ELMOD1: variants seen among roughly 807,000 people sequenced by gnomAD.
ELMOD1 encodes the protein ELMO domain-containing protein 1.
Under a neutral mutation model 46.7 loss-of-function variants are expected in ELMOD1, and 21 were observed. The observed-to-expected ratio is 0.45, with a 90% CI of 0.32 to 0.65. The LOEUF is 0.65. ELMOD1 is among the 30% of genes least tolerant of loss of function. ELMOD1 has a pLI of 0.04. For synonymous variants in ELMOD1, 122 were observed against 138.2 expected (o/e 0.88, Z 0.82); for missense variants, 348 against 407.8 (o/e 0.85, Z 1.26).
intron 2 of ELMOD1, among the ~76,000 whole-genome samples, chr11:107,622,178 CA>C (rs1440511950): frequency 5.3e-5 from 8 of 152,222 alleles, no homozygotes; most frequent in Non-Finnish European, 8.8e-5. Flanking sequence ...GGAAACGCTT[CA>C]TTGAGACAAT....
chr11:107,647,460 TC>T lies in ELMOD1; in HGVS notation c.421-6del. ...TCAACAGAGTAATCCTTTTTTTTTT[TC>T]CTACAGTTATGGAAATTCTTGAAGC... On this transcript the variant is annotated splice_polypyrimidine_tract_variant and splice_region_variant and intron_variant, in intron 6 of 11. Transcript: ENST00000265840. 3.1e-6 allele frequency: 5 copies of T among 1,604,616 alleles called. No homozygotes were observed. The South Asian group carries it at 5.6e-5, about 18-fold the overall frequency.
Position 107,666,280 on chromosome 11 carries a change from G to A in ELMOD1, c.*1083G>A, listed in dbSNP as rs1412473794. The A allele has an allele frequency of 6.6e-6, 1 of 152,186 alleles. No homozygotes were observed. The highest frequency in any genetic ancestry group is 2.4e-5 in the African/African-American group (1 of 41,440). 9.4% of individuals were successfully genotyped at this position (152,186 alleles called of 1,614,324 possible). On this transcript the variant is annotated 3_prime_UTR_variant, in exon 12 of 12. Transcript: ENST00000265840. ...GAAAAGAAATAAGCATATTTCAAAA[G>A]CTGCAAAAGGTTTTTCACTGCCTGC... is the stretch of plus-strand genomic sequence containing the variant.
Position 107,618,496 on chromosome 11 carries a change from C to T in ELMOD1, c.17+290C>T, listed in dbSNP as rs117419731. On this transcript the variant is annotated intron_variant, in intron 2 of 11. Transcript: ENST00000265840. ...CATGTGTCTCTGCACAGTGGTACAC[C>T]GCTGGCCTGAAAGGTTTAAGGAAAT... Among the ~76,000 whole-genome samples, 31 of 152,280 alleles carry T rather than the reference C, an allele frequency of 2.0e-4. No individual in the cohort carries two copies. In the East Asian group the frequency reaches 4.4e-3, roughly 22 times the overall value.
intron 2 of ELMOD1, among the ~76,000 whole-genome samples, chr11:107,629,488 A>C (rs1866100204): frequency 6.6e-6 from 1 of 152,184 alleles, no homozygotes. Context: ...TTTACCACTA[A>C]AGCTTAAGTC....
chr11:107,642,150 G>C (rs1304344967), intron 6 of ELMOD1, among the ~76,000 whole-genome samples: 1 of 151,580 alleles, frequency 6.6e-6, no homozygotes, highest in Non-Finnish European at 1.5e-5. Flanking sequence ...CACCATCTTA[G>C]CCAGGCTGAT....
intron 4 of ELMOD1, 139 bp downstream of exon 4, chr11:107,630,867 C>T: frequency 1.2e-6 from 1 of 840,130 alleles, no homozygotes; most frequent in Non-Finnish European, 1.8e-6. Flanking sequence ...ATCATTTGCC[C>T]ATTACAAACC....
At chr11:107,628,253 G>T (rs542665879) in intron 2 of ELMOD1, among the ~76,000 whole-genome samples, 1 of 151,924 alleles carries the variant, frequency 6.6e-6, no homozygotes, top group East Asian at 1.9e-4. Context: ...TGCAACCTCC[G>T]CCTCCTGGGT....
rs560929170 is a variant in ELMOD1, at chr11:107,658,855, A to T, written c.832+2789A>T. ...GAGGCTGAGGCATGAGAATCTCTTG[A>T]AACCAGGAGGTGGAGGTTGTAGTGA... is the stretch of plus-strand genomic sequence containing the variant. On this transcript the variant is annotated intron_variant, in intron 11 of 11. Coordinates refer to ENST00000265840, the MANE Select transcript of ELMOD1 (RefSeq NM_018712.4). Among the ~76,000 whole-genome samples the T allele has an allele frequency of 3.3e-5, 5 of 152,350 alleles. No homozygotes were observed. The East Asian group carries it at 9.6e-4, about 29-fold the overall frequency.
At chr11:107,601,528 G>A (rs1356860776) in intron 1 of ELMOD1, among the ~76,000 whole-genome samples, 4 of 147,970 alleles carry the variant, frequency 2.7e-5, no homozygotes, top group Non-Finnish European at 4.4e-5. Context: ...CAATTCTCCT[G>A]CCTCAGCCTC....
chr11:107,629,680 C>T (rs1054720578), intron 2 of ELMOD1, among the ~76,000 whole-genome samples: 22 of 152,290 alleles, frequency 1.4e-4, no homozygotes, highest in Admixed American at 1.4e-3. Context: ...GTAAAGAAAA[C>T]TTTCTTTAGC....
intron 1 of ELMOD1, among the ~76,000 whole-genome samples, chr11:107,612,749 G>A (rs943584011): frequency 5.3e-5 from 8 of 151,972 alleles, no homozygotes; most frequent in African/African-American, 1.9e-4. Flanking sequence ...TTAACAAGTG[G>A]GTCTCCTTTA....
chr11:107,666,305 C>A lies in ELMOD1; in HGVS notation c.*1108C>A, dbSNP rs182085917. The stretch of plus-strand genomic sequence containing the variant: ...GCTGCAAAAGGTTTTTCACTGCCTG[C>A]CTCTTGCGGAACTGGGTTACACCCT... On this transcript the variant is annotated 3_prime_UTR_variant, in exon 12 of 12. Transcript: ENST00000265840. The A allele has an allele frequency of 6.6e-6, 1 of 152,208 alleles. No individual in the cohort carries two copies. 9.4% of individuals were successfully genotyped at this position (152,208 alleles called of 1,614,324 possible).
At chr11:107,641,333 A>C (rs11212309) in intron 6 of ELMOD1, among the ~76,000 whole-genome samples, 16,633 of 147,862 alleles carry the variant, frequency 0.11, 1,234 homozygotes, top group African/African-American at 0.21. Flanking sequence ...ATATATATAT[A>C]TCTCTAACAG....
Position 107,655,944 on chromosome 11 carries a change from C to T in ELMOD1, c.710C>T (p.Ala237Val). The stretch of plus-strand genomic sequence containing the variant: ...TTTATACTTTATAGGTACTCATTTG[C>T]AATTGTGGGCATCAATATAACTGAC... The part of the protein sequence containing the change: ...RMDKAIGYSF[A>V]IVGINITDLA... The change falls in exon 11 of 12, where the codon GCA becomes GTA. Residue 237 changes from alanine to valine, a missense_variant. Transcript: ENST00000265840. 6.2e-7 allele frequency: 1 copy of T among 1,606,494 alleles called. No homozygotes were observed. The highest frequency in any genetic ancestry group is 8.5e-7 in the Non-Finnish European group (1 of 1,175,918).
chr11:107,591,785 C>A, intron 1 of ELMOD1: 1 of 463,078 alleles, frequency 2.2e-6, no homozygotes, highest in Admixed American at 2.4e-5. Context: ...GGCGGCCTGG[C>A]TGGGGCGAGG....
At chr11:107,656,258 C>A (rs568721131) in intron 11 of ELMOD1, among the ~76,000 whole-genome samples, 192 bp downstream of exon 11, 3 of 151,544 alleles carry the variant, frequency 2.0e-5, no homozygotes, top group Non-Finnish European at 4.4e-5. Context: ...CATGGTGATG[C>A]GCACCTGTAA....
At chr11:107,592,332 GCTAAC>G (rs1426708730) in intron 1 of ELMOD1, 1 of 533,414 alleles carries the variant, frequency 1.9e-6, no homozygotes, top group Non-Finnish European at 3.8e-6. Context: ...AAAATACGCT[GCTAAC>G]CCCCAGTGGG....
intron 6 of ELMOD1, among the ~76,000 whole-genome samples, chr11:107,645,384 T>C (rs1439637263): frequency 6.6e-6 from 1 of 151,820 alleles, no homozygotes; most frequent in Non-Finnish European, 1.5e-5. Flanking sequence ...AGTGCAGTAG[T>C]GCTATCTCGA....
chr11:107,634,900 G>A (rs944802705), intron 5 of ELMOD1, among the ~76,000 whole-genome samples: 1 of 152,168 alleles, frequency 6.6e-6, no homozygotes, highest in Non-Finnish European at 1.5e-5. Flanking sequence ...CTCAGAGAAC[G>A]GAATTGGAAC....
Sources: gnomAD v4.1 joint callset for allele counts (sites outside exome capture counted in the v4.1 genomes callset) on GRCh38, gnomAD v4.1.1 for gene constraint, MANE v1.5 for transcripts, NCBI Gene and HGNC (gene_info 2026-07-23, HGNC 2026-07-21) for gene names.